LEPR: variants seen among roughly 807,000 people sequenced by gnomAD.
LEPR encodes the protein OB receptor.
LEPR carries 56 observed loss-of-function variants against 114.7 expected under a neutral mutation model. That is an observed-to-expected ratio of 0.49 (90% CI 0.39 to 0.61). The LOEUF is 0.61. Among genes scored for constraint, LEPR ranks in the 20% least tolerant of loss-of-function variants. LEPR has a pLI of 0.00. For synonymous variants in LEPR, 443 were observed against 461.4 expected (o/e 0.96, Z 0.51); for missense variants, 1,202 against 1,352.9 (o/e 0.89, Z 1.75).
intron 2 of LEPR, among the ~76,000 whole-genome samples, chr1:65,444,429 C>G (rs1254518635): frequency 6.6e-6 from 1 of 152,144 alleles, no homozygotes; most frequent in Non-Finnish European, 1.5e-5. Flanking sequence ...CTTCAACTAT[C>G]TGGCCCTTCT....
rs530562729 is a variant in LEPR at position 65,625,980 on chromosome 1, C to T, written c.2673+2999C>T. The T allele has an allele frequency of 1.3e-5, 9 of 683,458 alleles. No individual in the cohort carries two copies. In the Admixed American group the frequency reaches 1.4e-4, roughly 11 times the overall value. 42.3% of individuals were successfully genotyped at this position (683,458 alleles called of 1,614,324 possible). On this transcript the variant is annotated intron_variant, in intron 19 of 19. Coordinates refer to ENST00000349533, the MANE Select transcript of LEPR (RefSeq NM_002303.6). ...ACTTAAAAAGAGGCTGAAACACTCTCTCTTCAGCATTTAAGCTCTGAAATC... is the reference window on the plus strand; with the variant it reads ...ACTTAAAAAGAGGCTGAAACACTCTTTCTTCAGCATTTAAGCTCTGAAATC...
intron 5 of LEPR, among the ~76,000 whole-genome samples, chr1:65,573,216 C>A (rs1036069227): frequency 2.6e-5 from 4 of 152,172 alleles, no homozygotes; most frequent in African/African-American, 9.7e-5. Flanking sequence ...GAGTTATATG[C>A]CTGCGCACTA....
intron 14 of LEPR, among the ~76,000 whole-genome samples, chr1:65,613,268 C>A (rs1177447603): frequency 6.6e-6 from 1 of 152,108 alleles, no homozygotes; most frequent in Non-Finnish European, 1.5e-5. Context: ...CTTTGACATG[C>A]CCCCGTCATT....
intron 2 of LEPR, among the ~76,000 whole-genome samples, chr1:65,457,210 C>T (rs1426154122): frequency 6.6e-6 from 1 of 152,070 alleles, no homozygotes; most frequent in Admixed American, 6.5e-5. Context: ...CATATATAAC[C>T]TAATACGTTA....
At chr1:65,583,775 G>A (rs1275093174) in intron 5 of LEPR, among the ~76,000 whole-genome samples, 2 of 151,964 alleles carry the variant, frequency 1.3e-5, no homozygotes, top group Non-Finnish European at 2.9e-5. Context: ...AGAAAAAATA[G>A]TCAATAGAAA....
At chr1:65,436,103 G>T (rs1646559652) in intron 2 of LEPR, 2 of 982,110 alleles carry the variant, frequency 2.0e-6, no homozygotes, top group Non-Finnish European at 2.4e-6. Flanking sequence ...AATTTTCCCA[G>T]TGTTTTTGTC....
In LEPR at chr1:65,488,787, T is replaced by C. The variant is rs573229688; in HGVS notation, c.-21+63409T>C. 3.3e-5 allele frequency among the ~76,000 whole-genome samples: 5 copies of C among 152,022 alleles called. No homozygotes were observed. The South Asian group carries it at 6.2e-4, about 19-fold the overall frequency. The stretch of plus-strand genomic sequence containing the variant: ...CCACCCTGCTATCCTTCCCAGCCTC[T>C]GCTAATCATCCTTCTACTCTCTATC... On this transcript the variant is annotated intron_variant, in intron 2 of 19. Transcript: ENST00000349533.
Position 65,488,210 on chromosome 1 carries a change from T to TTCTCTCTCTCTCTCTC in LEPR, c.-21+62836_-21+62851dup. On this transcript the variant is annotated intron_variant, in intron 2 of 19. Coordinates refer to ENST00000349533, the MANE Select transcript of LEPR (RefSeq NM_002303.6). ...TTTCTTTCTTTCTTTCTTTCTTTCT[T>TTCTCTCTCTCTCTCTC]TCTCTCTCTCTCTCTCTCTTTCTTT... Among the ~76,000 whole-genome samples, 2 of 25,874 alleles carry TTCTCTCTCTCTCTCTC rather than the reference T, an allele frequency of 7.7e-5. 1 individual carries two copies. Among genetic ancestry groups the TTCTCTCTCTCTCTCTC allele is most frequent in the African/African-American group, 3.6e-4 (2 of 5,594 alleles). 17.0% of individuals were successfully genotyped at this position (25,874 alleles called of 152,430 possible).
At chr1:65,474,251 T>C (rs1647127562) in intron 2 of LEPR, among the ~76,000 whole-genome samples, 1 of 152,214 alleles carries the variant, frequency 6.6e-6, no homozygotes, top group Non-Finnish European at 1.5e-5. Flanking sequence ...CATAGCTGAA[T>C]CTATTAACTA....
In LEPR at chr1:65,638,313, CTT is replaced by C. The variant is rs1489568699; in HGVS notation, c.*1299_*1300del. On this transcript the variant is annotated 3_prime_UTR_variant, in exon 20 of 20. Coordinates refer to ENST00000349533, the MANE Select transcript of LEPR (RefSeq NM_002303.6). Reference sequence around the variant, plus strand: ...CAGATCTCATGTTTGCCTTTAACAACTTAAGATTAATACATAAGTTTATTATT... The same window carrying C: ...CAGATCTCATGTTTGCCTTTAACAACAAGATTAATACATAAGTTTATTATT... 4.6e-5 allele frequency: 7 copies of C among 152,178 alleles called. No individual in the cohort carries two copies. Among genetic ancestry groups the C allele is most frequent in the African/African-American group, 1.7e-4 (7 of 41,506 alleles). The allele number at this position is 152,178 out of a possible 1,614,324, so 9.4% of individuals were successfully genotyped here. A position where few individuals can be genotyped will look rare whatever the true frequency, so the allele number is the denominator to read the frequency against.
At chr1:65,441,404 TCA>T (rs1176311035) in intron 2 of LEPR, among the ~76,000 whole-genome samples, 1 of 152,212 alleles carries the variant, frequency 6.6e-6, no homozygotes, top group Non-Finnish European at 1.5e-5. Context: ...CTTTCAGGAC[TCA>T]CACTTCCTTA....
In LEPR at chr1:65,507,568, TA is replaced by T. The variant is rs1224214800; in HGVS notation, c.-20-57970del. Among the ~76,000 whole-genome samples, 4 of 147,490 alleles carry T rather than the reference TA, an allele frequency of 2.7e-5. No individual in the cohort carries two copies. The East Asian group carries it at 7.8e-4, about 29-fold the overall frequency. On this transcript the variant is annotated intron_variant, in intron 2 of 19. Coordinates refer to ENST00000349533, the MANE Select transcript of LEPR (RefSeq NM_002303.6). ...ATATATATACACACACACACAACAT[TA>T]AAAAAAATCCATTCATTTGTTGATG...
intron 11 of LEPR, 83 bp downstream of exon 11, chr1:65,605,320 T>C (rs906600534): frequency 7.1e-6 from 11 of 1,554,582 alleles, no homozygotes; most frequent in Non-Finnish European, 8.0e-6. Context: ...TATTTTGCCA[T>C]TTTCTGATCA....
At chr1:65,433,256 G>C in intron 2 of LEPR, 1 of 985,322 alleles carries the variant, frequency 1.0e-6, no homozygotes, top group Non-Finnish European at 1.2e-6. Flanking sequence ...AGCCATGTAA[G>C]CACGCAGTGG....
intron 12 of LEPR, 106 bp from the exon 13 acceptor site, chr1:65,609,841 C>T (rs1024802403): frequency 1.1e-5 from 17 of 1,496,386 alleles, no homozygotes; most frequent in East Asian, 2.3e-5. Flanking sequence ...AATCAGTTCT[C>T]TTAATTTTGG....
chr1:65,507,038 C>T (rs867829044), intron 2 of LEPR, among the ~76,000 whole-genome samples: 4 of 152,174 alleles, frequency 2.6e-5, no homozygotes, highest in Admixed American at 2.6e-4. Context: ...GGGTATTTGT[C>T]TAGCCACGCC....
rs2101680857 is a variant in LEPR at position 65,425,388 on chromosome 1, C to T, written c.-21+10C>T. On this transcript the variant is annotated intron_variant, in intron 2 of 19. Transcript: ENST00000349533. ...CCTTAGAGGATTATGGGTAAGTTAT[C>T]ATTTCAAAAAGAACTATTCCTCTTT... 1.9e-6 allele frequency: 3 copies of T among 1,588,110 alleles called. No individual in the cohort carries two copies. Among genetic ancestry groups the T allele is most frequent in the East Asian group, 4.5e-5 (2 of 44,190 alleles).
Position 65,572,290 on chromosome 1 carries a change from GTTTTTTTTTT to G in LEPR, c.371-18_371-9del, listed in dbSNP as rs747467075. 2.4e-3 allele frequency: 1,937 copies of G among 799,884 alleles called. 25 individuals are homozygous for G. In the African/African-American group the frequency reaches 0.051, roughly 21 times the overall value. The allele number at this position is 799,884 out of a possible 1,614,324, so 49.5% of individuals were successfully genotyped here. The stretch of plus-strand genomic sequence containing the variant: ...ATGGTTTTTGAGATTTCATGTAGTT[GTTTTTTTTTT>G]TTTTTTTTTTTTTTTTTAAATTCAG... On this transcript the variant is annotated intron_variant, in intron 4 of 19. Transcript: ENST00000349533.
chr1:65,563,716 G>GT (rs1467578978), intron 2 of LEPR, among the ~76,000 whole-genome samples: 2 of 106,246 alleles, frequency 1.9e-5, no homozygotes, highest in African/African-American at 6.5e-5. Context: ...TGATGGTGAT[G>GT]TACAGATGGG....
Sources: allele counts gnomAD v4.1 joint callset (sites outside exome capture counted in the v4.1 genomes callset), GRCh38; gene constraint gnomAD v4.1.1; transcripts MANE v1.5; gene names NCBI Gene and HGNC (gene_info 2026-07-23, HGNC 2026-07-21).